Variants in DNAAF11 observed in about 807,000 individuals in gnomAD.
DNAAF11 encodes the protein dynein axonemal assembly factor 11.
Under a neutral mutation model 60.8 loss-of-function variants are expected in DNAAF11, and 45 were observed. That is an observed-to-expected ratio of 0.74 (90% CI 0.58 to 0.95). The LOEUF is 0.95. DNAAF11 is among the 40% of genes least tolerant of loss of function. The pLI, the probability that DNAAF11 is intolerant of heterozygous loss-of-function variation, is 0.00. For missense variants in DNAAF11, 546 were observed against 546.2 expected (o/e 1.00, Z 0.00); for synonymous variants, 191 against 183.5 (o/e 1.04, Z -0.33).
chr8:132,677,776 G>A (rs1825811198), upstream of DNAAF11, among the ~76,000 whole-genome samples: 1 of 152,112 alleles, frequency 6.6e-6, no homozygotes, highest in Non-Finnish European at 1.5e-5. Context: ...GGTGCCTGAT[G>A]AGAGCCTGGT....
chr8:132,679,874 CCT>C (rs1825840414), upstream of DNAAF11, among the ~76,000 whole-genome samples: 2 of 152,202 alleles, frequency 1.3e-5, no homozygotes, highest in Admixed American at 6.5e-5. Context: ...TCCAGTTAAA[CCT>C]CTTTCTTTTG....
At chr8:132,641,393 A>C in intron 3 of DNAAF11, among the ~76,000 whole-genome samples, 1 of 152,084 alleles carries the variant, frequency 6.6e-6, no homozygotes, top group Non-Finnish European at 1.5e-5. Flanking sequence ...AGTGTTTATG[A>C]CCTGTCTTCC....
chr8:132,615,170 C>A, intron 7 of DNAAF11, 73 bp from the exon 8 acceptor site: 1 of 839,964 alleles, frequency 1.2e-6, no homozygotes, highest in South Asian at 1.6e-5. Context: ...ATCATAAATT[C>A]ATAAGCAGAT....
chr8:132,662,898 T>C (rs1442383368), intron 1 of DNAAF11, among the ~76,000 whole-genome samples: 1 of 152,250 alleles, frequency 6.6e-6, no homozygotes, highest in Non-Finnish European at 1.5e-5. Context: ...GAATTTGCCT[T>C]TTTATTAAAT....
At chr8:132,654,507 C>T (rs76199935) in intron 3 of DNAAF11, among the ~76,000 whole-genome samples, 3,448 of 151,856 alleles carry the variant, frequency 0.023, 157 homozygotes, top group African/African-American at 0.078. Flanking sequence ...GCCTCTAGGA[C>T]AGAACAAATG....
chr8:132,626,354 A>C (rs1228581250), intron 5 of DNAAF11, among the ~76,000 whole-genome samples: 1 of 152,064 alleles, frequency 6.6e-6, no homozygotes, highest in Non-Finnish European at 1.5e-5. Context: ...CCCAGCCGGC[A>C]CTTTTTATAT....
Position 132,673,168 on chromosome 8 carries a change from C to T in DNAAF11, c.10+2316G>A, listed in dbSNP as rs1410092400. ...TGTCCACTCGCCTCAGTCCTGTGGGCGGCAGTGCGGTGTAATGCAGGACCC... is the reference window on the plus strand; with the variant it reads ...TGTCCACTCGCCTCAGTCCTGTGGGTGGCAGTGCGGTGTAATGCAGGACCC... On this transcript the variant is annotated intron_variant, in intron 1 of 11. Transcript: ENST00000620350. Among the ~76,000 whole-genome samples, 4 of 152,252 alleles carry T rather than the reference C, an allele frequency of 2.6e-5. No homozygotes were observed. In the South Asian group the frequency reaches 6.2e-4, roughly 24 times the overall value.
At chr8:132,647,861 G>A (rs560774919) in intron 3 of DNAAF11, among the ~76,000 whole-genome samples, 7 of 151,802 alleles carry the variant, frequency 4.6e-5, no homozygotes, top group African/African-American at 1.4e-4. Context: ...TGAAATTGAG[G>A]CAGTAATAGC....
chr8:132,622,269 C>T (rs916197991), intron 7 of DNAAF11, among the ~76,000 whole-genome samples: 1 of 152,144 alleles, frequency 6.6e-6, no homozygotes, highest in Non-Finnish European at 1.5e-5. Context: ...AAGCAGCTTG[C>T]TCATGGCAGA....
chr8:132,611,289 C>T lies in DNAAF11; in HGVS notation c.1044+5G>A. 1.2e-6 allele frequency: 2 copies of T among 1,606,792 alleles called. No homozygotes were observed. Among genetic ancestry groups the T allele is most frequent in the Non-Finnish European group, 1.7e-6 (2 of 1,173,586 alleles). ...AATTGTAATAGCCTACAGGGTTCTA[C>T]TTACCTTTCCTTTGATCATTACTCG... On this transcript the variant is annotated splice_donor_5th_base_variant and intron_variant, in intron 9 of 11. Coordinates refer to ENST00000620350, the MANE Select transcript of DNAAF11 (RefSeq NM_012472.6).
chr8:132,592,534 A>C (rs988934370), intron 10 of DNAAF11, among the ~76,000 whole-genome samples: 1 of 152,132 alleles, frequency 6.6e-6, no homozygotes, highest in South Asian at 2.1e-4. Context: ...AGCATGCAGG[A>C]ATTGTAGGCT....
At chr8:132,574,576 G>C (rs1211840047) in intron 11 of DNAAF11, among the ~76,000 whole-genome samples, 2 of 152,210 alleles carry the variant, frequency 1.3e-5, no homozygotes. Context: ...AGGACTCTTA[G>C]AAACTTGCAC....
intron 1 of DNAAF11, among the ~76,000 whole-genome samples, chr8:132,671,922 G>A (rs1393884752): frequency 6.6e-6 from 1 of 151,014 alleles, no homozygotes; most frequent in Non-Finnish European, 1.5e-5. Context: ...AAATTTCTAG[G>A]AAAAAAAAGA....
intron 6 of DNAAF11, among the ~76,000 whole-genome samples, chr8:132,623,171 T>C (rs909753749): frequency 1.3e-5 from 2 of 152,180 alleles, no homozygotes; most frequent in African/African-American, 4.8e-5. Context: ...CACAGCATTA[T>C]TTACAGTAGC....
At chr8:132,603,594 G>A (rs547201557) in intron 10 of DNAAF11, among the ~76,000 whole-genome samples, 1 of 151,902 alleles carries the variant, frequency 6.6e-6, no homozygotes, top group Non-Finnish European at 1.5e-5. Context: ...ATGTTTTAGT[G>A]GGGGGTGGGG....
chr8:132,628,229 T>C (rs983098492), intron 5 of DNAAF11, among the ~76,000 whole-genome samples: 3 of 152,098 alleles, frequency 2.0e-5, no homozygotes, highest in Non-Finnish European at 2.9e-5. Context: ...CTGACCAACA[T>C]GGTGAAACCC....
At chr8:132,593,359 A>ATATATATATATATATT (rs1427637816) in intron 10 of DNAAF11, among the ~76,000 whole-genome samples, 2 of 145,044 alleles carry the variant, frequency 1.4e-5, no homozygotes, top group Non-Finnish European at 3.0e-5. Flanking sequence ...ATATATATAT[A>ATATATATATATATATT]TATTTATATG....
At chr8:132,679,339 G>C (rs904613742), upstream of DNAAF11, among the ~76,000 whole-genome samples, 15 of 152,176 alleles carry the variant, frequency 9.9e-5, no homozygotes, top group African/African-American at 3.6e-4. Context: ...GAGTCAGTGA[G>C]CCAATTTCTT....
chr8:132,636,848 A>C (rs1175409262), intron 4 of DNAAF11, among the ~76,000 whole-genome samples: 1 of 152,242 alleles, frequency 6.6e-6, no homozygotes, highest in South Asian at 2.1e-4. Flanking sequence ...ATTTTACATT[A>C]GAAGAAATGT....
Sources: allele counts gnomAD v4.1 joint callset (sites outside exome capture counted in the v4.1 genomes callset), GRCh38; gene constraint gnomAD v4.1.1; transcripts MANE v1.5; gene names NCBI Gene and HGNC (gene_info 2026-07-23, HGNC 2026-07-21).